ZNF385D: variants seen among roughly 807,000 people sequenced by gnomAD.
ZNF385D encodes zinc finger protein 385D, also known as zinc finger protein 659.
In ZNF385D, 15 loss-of-function variants were observed where a neutral mutation model predicts 35.8. The observed-to-expected ratio is 0.42, with a 90% CI of 0.28 to 0.64. ZNF385D has a LOEUF of 0.64. Among genes scored for constraint, ZNF385D ranks in the 30% least tolerant of loss-of-function variants. The probability of loss-of-function intolerance (pLI) is 0.23; values close to 1 mark genes in which losing one functional copy is unlikely to be tolerated. For missense variants in ZNF385D, 474 were observed against 494.6 expected (o/e 0.96, Z 0.39); for synonymous variants, 212 against 186.8 (o/e 1.13, Z -1.10).
chr3:22,107,305 G>A (rs1023732377), intron 3 of ZNF385D, among the ~76,000 whole-genome samples: 1 of 151,896 alleles, frequency 6.6e-6, no homozygotes, highest in Non-Finnish European at 1.5e-5. Flanking sequence ...TTACAGGCAC[G>A]AGCCACCGCA....
chr3:21,516,941 C>T (rs1707604810), intron 3 of ZNF385D, among the ~76,000 whole-genome samples: 2 of 151,778 alleles, frequency 1.3e-5, no homozygotes, highest in Admixed American at 1.3e-4. Context: ...ACATTTCAGC[C>T]AACTGAAATG....
At chr3:21,901,468 A>T (rs575406374) in intron 3 of ZNF385D, among the ~76,000 whole-genome samples, 4 of 152,318 alleles carry the variant, frequency 2.6e-5, no homozygotes, top group African/African-American at 9.6e-5. Flanking sequence ...GCAATAATGT[A>T]ATAATAGTGT....
intron 2 of ZNF385D, among the ~76,000 whole-genome samples, chr3:22,265,292 A>T (rs1394226485): frequency 6.6e-6 from 1 of 152,002 alleles, no homozygotes; most frequent in Non-Finnish European, 1.5e-5. Context: ...AGCTAAGAAC[A>T]TTTAAGATTT....
Position 22,233,494 on chromosome 3 carries a change from T to C in ZNF385D, c.107-64459A>G, listed in dbSNP as rs374960480. On this transcript the variant is annotated intron_variant, in intron 2 of 5. Coordinates refer to the ZNF385D transcript ENST00000494108. The stretch of plus-strand genomic sequence containing the variant: ...GTAAATGTCTTGATTGTGGTGGTAG[T>C]CCCATGGTGTATATAGGAATCAAAG... Among the ~76,000 whole-genome samples the C allele has an allele frequency of 6.6e-5, 10 of 152,298 alleles. No individual in the cohort carries two copies. The East Asian group carries it at 1.7e-3, about 26-fold the overall frequency.
chr3:22,272,029 G>A lies in ZNF385D; in HGVS notation c.106+100421C>T, dbSNP rs79389375. Among the ~76,000 whole-genome samples, 674 of 152,014 alleles carry A rather than the reference G, an allele frequency of 4.4e-3. 7 individuals are homozygous for A. The highest frequency in any genetic ancestry group is 0.015 in the African/African-American group (640 of 41,492). On this transcript the variant is annotated intron_variant, in intron 2 of 5. Coordinates refer to the ZNF385D transcript ENST00000494108. ...ATACTTTACAATATGCAGTGGTGCC[G>A]ATATTTTTGGATAATGTGTTTTGTG...
chr3:22,261,994 T>G (rs547345615), intron 2 of ZNF385D, among the ~76,000 whole-genome samples: 4 of 152,146 alleles, frequency 2.6e-5, no homozygotes, highest in Admixed American at 6.6e-5. Flanking sequence ...GAAGCCTGAC[T>G]GGTAGAAATA....
At chr3:22,207,489 A>G (rs748557036) in intron 2 of ZNF385D, among the ~76,000 whole-genome samples, 10 of 152,146 alleles carry the variant, frequency 6.6e-5, no homozygotes, top group Non-Finnish European at 1.5e-4. Flanking sequence ...TGAAACTACT[A>G]TAATAAAATA....
At chr3:22,212,323 G>C (rs1019932304) in intron 2 of ZNF385D, among the ~76,000 whole-genome samples, 4 of 151,952 alleles carry the variant, frequency 2.6e-5, no homozygotes, top group Non-Finnish European at 5.9e-5. Flanking sequence ...CAGAGTCTCT[G>C]TGCCTGCACT....
rs1307059251 is a variant in ZNF385D, at chr3:21,972,099, C to G, written c.325+196718G>C. 2.0e-5 allele frequency among the ~76,000 whole-genome samples: 3 copies of G among 152,016 alleles called. No homozygotes were observed. The South Asian group carries it at 6.2e-4, about 32-fold the overall frequency. On this transcript the variant is annotated intron_variant, in intron 3 of 5. Transcript: ENST00000494108. ...AATTGAACTTGATATGCACTAAGAACAAATGGACCCAATATATATTTATTA... is the reference window on the plus strand; with the variant it reads ...AATTGAACTTGATATGCACTAAGAAGAAATGGACCCAATATATATTTATTA...
chr3:22,182,661 T>C (rs1046372843), intron 2 of ZNF385D, among the ~76,000 whole-genome samples: 3 of 152,100 alleles, frequency 2.0e-5, no homozygotes, highest in East Asian at 3.8e-4. Flanking sequence ...TTTTTCACTA[T>C]GGTACCATTT....
intron 3 of ZNF385D, among the ~76,000 whole-genome samples, chr3:21,878,551 T>C (rs1199205960): frequency 6.9e-6 from 1 of 145,508 alleles, no homozygotes; most frequent in Non-Finnish European, 1.5e-5. Flanking sequence ...TTTTTCAACT[T>C]TTATTTTAAC....
chr3:22,321,980 C>G (rs1485608266), intron 2 of ZNF385D, among the ~76,000 whole-genome samples: 1 of 152,066 alleles, frequency 6.6e-6, no homozygotes, highest in Non-Finnish European at 1.5e-5. Context: ...CCATTCCTCT[C>G]AAAATTTCAA....
chr3:22,065,599 A>G (rs1178477897), intron 3 of ZNF385D, among the ~76,000 whole-genome samples: 1 of 152,158 alleles, frequency 6.6e-6, no homozygotes, highest in Non-Finnish European at 1.5e-5. Context: ...TGAAAAGATC[A>G]ATTTGTTGAG....
chr3:21,724,477 CAAAAAAAA>C (rs200803155), intron 1 of ZNF385D, among the ~76,000 whole-genome samples: 22 of 52,018 alleles, frequency 4.2e-4, no homozygotes, highest in African/African-American at 3.2e-3. Context: ...AATGGAAAGC[CAAAAAAAA>C]AAAAAAAAAA....
At chr3:21,817,593 A>G (rs902141814) in intron 3 of ZNF385D, among the ~76,000 whole-genome samples, 7 of 152,240 alleles carry the variant, frequency 4.6e-5, no homozygotes, top group Admixed American at 3.3e-4. Context: ...ATCACTGGCC[A>G]TCAGAGAAAT....
intron 1 of ZNF385D, among the ~76,000 whole-genome samples, chr3:21,688,125 T>C (rs1287747429): frequency 6.6e-6 from 1 of 152,162 alleles, no homozygotes; most frequent in African/African-American, 2.4e-5. Flanking sequence ...ACTATTATTT[T>C]TGGTGCCTCT....
intron 3 of ZNF385D, among the ~76,000 whole-genome samples, chr3:22,019,233 A>T (rs910050145): frequency 6.6e-6 from 1 of 151,514 alleles, no homozygotes; most frequent in African/African-American, 2.4e-5. Context: ...AGAGAAAGGC[A>T]TTCTCACCTT....
chr3:21,944,626 G>A (rs185069058), intron 3 of ZNF385D, among the ~76,000 whole-genome samples: 1 of 152,176 alleles, frequency 6.6e-6, no homozygotes, highest in Admixed American at 6.6e-5. Context: ...TTTCAAAGCA[G>A]TTCAGCTGAA....
intron 1 of ZNF385D, among the ~76,000 whole-genome samples, chr3:21,727,719 G>C (rs1362685747): frequency 2.0e-5 from 3 of 152,154 alleles, no homozygotes; most frequent in East Asian, 1.9e-4. Context: ...GTTGGTGGGA[G>C]TATAAATTAG....
Sources: allele counts gnomAD v4.1 joint callset (sites outside exome capture counted in the v4.1 genomes callset), GRCh38; gene constraint gnomAD v4.1.1; transcripts MANE v1.5; gene names NCBI Gene and HGNC (gene_info 2026-07-23, HGNC 2026-07-21).